FUT8: variants seen among roughly 807,000 people sequenced by gnomAD.
FUT8 encodes the protein fucosyltransferase 8.
FUT8 carries 29 observed loss-of-function variants against 71.3 expected under a neutral mutation model. The ratio of observed to expected loss-of-function variants is 0.41; its 90% CI spans 0.30 to 0.55. FUT8 has a LOEUF of 0.55. Among genes scored for constraint, FUT8 ranks in the 20% least tolerant of loss-of-function variants. The pLI is 0.34. For missense variants in FUT8, 544 were observed against 702.1 expected (o/e 0.77, Z 2.55); for synonymous variants, 254 against 239.3 (o/e 1.06, Z -0.57).
At chr14:65,520,870 C>T (rs773176385) in intron 2 of FUT8, among the ~76,000 whole-genome samples, 9 of 151,978 alleles carry the variant, frequency 5.9e-5, no homozygotes, top group Non-Finnish European at 1.3e-4. Flanking sequence ...GGGATACTTA[C>T]CTATGAGATC....
intron 7 of FUT8, among the ~76,000 whole-genome samples, chr14:65,688,826 A>C (rs575750202): frequency 6.6e-6 from 1 of 152,326 alleles, no homozygotes; most frequent in Admixed American, 6.5e-5. Context: ...CTGTTATAAC[A>C]AAATATAAAC....
intron 2 of FUT8, among the ~76,000 whole-genome samples, chr14:65,514,556 A>C (rs1467363705): frequency 6.6e-6 from 1 of 152,202 alleles, no homozygotes; most frequent in East Asian, 1.9e-4. Flanking sequence ...CAGAAAGTCC[A>C]TCTTATCTAT....
At chr14:65,720,410 C>T (rs1566915227) in intron 7 of FUT8, among the ~76,000 whole-genome samples, 2 of 152,244 alleles carry the variant, frequency 1.3e-5, no homozygotes, top group Non-Finnish European at 1.5e-5. Context: ...CATACAAGAG[C>T]CAAGGTCTGG....
At chr14:65,372,459 G>A in the FUT8 span, among the ~76,000 whole-genome samples, 1 of 149,284 alleles carries the variant, frequency 6.7e-6, no homozygotes, top group Admixed American at 6.7e-5. Flanking sequence ...TCTGTCACCC[G>A]AGCTGGAGTG....
At chr14:65,594,405 G>T (rs1271379680) in intron 3 of FUT8, among the ~76,000 whole-genome samples, 1 of 152,188 alleles carries the variant, frequency 6.6e-6, no homozygotes, top group Non-Finnish European at 1.5e-5. Flanking sequence ...CCAGGTAGGG[G>T]TTTCTACGAC....
intron 3 of FUT8, among the ~76,000 whole-genome samples, chr14:65,565,566 CTT>C (rs1345588097): frequency 1.3e-5 from 2 of 152,030 alleles, no homozygotes; most frequent in East Asian, 3.9e-4. Flanking sequence ...GCATATTTAA[CTT>C]TATAAGAAGC....
chr14:65,657,588 G>T (rs918189817), intron 6 of FUT8, among the ~76,000 whole-genome samples: 5 of 152,068 alleles, frequency 3.3e-5, no homozygotes, highest in African/African-American at 4.8e-5. Context: ...GACACACTTG[G>T]CATGTTCTTA....
At position 65,467,789 on chromosome 14, in the gene FUT8, TA is replaced by T. The variant is rs777612789; in HGVS notation, c.-228+12072del. The T allele has an allele frequency of 3.1e-5, 22 of 709,314 alleles. No individual in the cohort carries two copies. The highest frequency in any genetic ancestry group is 2.3e-4 in the African/African-American group (13 of 56,366). 43.9% of individuals were successfully genotyped at this position (709,314 alleles called of 1,614,324 possible). The stretch of plus-strand genomic sequence containing the variant: ...GTGCCCAGCCAGTCTAGAGGTCTTT[TA>T]TTTTTTTTAACACCTGTTATGCTAT... On this transcript the variant is annotated intron_variant, in intron 2 of 10. Coordinates refer to ENST00000673929, the MANE Select transcript of FUT8 (RefSeq NM_001371533.1). The surrounding 1 kb of genome is among the most constrained non-coding windows in gnomAD (Gnocchi z 4.1).
At chr14:65,362,509 TCAAACAAACAAA>T in the FUT8 span, among the ~76,000 whole-genome samples, 3 of 151,448 alleles carry the variant, frequency 2.0e-5, no homozygotes, top group African/African-American at 4.9e-5. Context: ...GACCCCCATC[TCAAACAAACAAA>T]CAAACAAACA....
At chr14:65,518,347 A>G (rs373169573) in intron 2 of FUT8, among the ~76,000 whole-genome samples, 10 of 152,232 alleles carry the variant, frequency 6.6e-5, no homozygotes, top group Admixed American at 2.6e-4. Flanking sequence ...ATGTTAATCT[A>G]CTTGGCTCCC....
intron 3 of FUT8, among the ~76,000 whole-genome samples, chr14:65,575,622 CCT>C (rs1491461142): frequency 4.5e-4 from 64 of 141,530 alleles, no homozygotes; most frequent in Admixed American, 3.4e-3. Flanking sequence ...TTCCTTCCTT[CCT>C]CTTTTTTTTT....
rs77743631 is a variant in FUT8, at chr14:65,424,119, A to G, written c.-326+10905A>G. Among the ~76,000 whole-genome samples, 769 of 152,368 alleles carry G rather than the reference A, an allele frequency of 5.0e-3. 8 individuals are homozygous for G. The highest frequency in any genetic ancestry group is 0.018 in the African/African-American group (732 of 41,584). On this transcript the variant is annotated intron_variant, in intron 1 of 10. Coordinates refer to ENST00000673929, the MANE Select transcript of FUT8 (RefSeq NM_001371533.1). The stretch of plus-strand genomic sequence containing the variant: ...CATTTGAGGTTTATAGTATCGTACT[A>G]AACATAATGAAACCGCGAGAGATCA...
chr14:65,702,520 G>A (rs1212247338), intron 7 of FUT8, among the ~76,000 whole-genome samples: 7 of 152,068 alleles, frequency 4.6e-5, no homozygotes, highest in Non-Finnish European at 7.4e-5. Context: ...TAAATGCAGC[G>A]GCTATGTTAG....
the FUT8 span, among the ~76,000 whole-genome samples, chr14:65,383,145 C>A: frequency 6.6e-6 from 1 of 152,074 alleles, no homozygotes; most frequent in Admixed American, 6.6e-5. Flanking sequence ...GGCCTCCCTG[C>A]CTTCAGGCTC....
chr14:65,438,460 A>G (rs2139467342), intron 1 of FUT8, among the ~76,000 whole-genome samples: 1 of 152,262 alleles, frequency 6.6e-6, no homozygotes. Flanking sequence ...AGTCTATTTA[A>G]AGGAAGAGCT....
chr14:65,436,979 A>G (rs546034831), intron 1 of FUT8, among the ~76,000 whole-genome samples: 1 of 152,338 alleles, frequency 6.6e-6, no homozygotes, highest in Non-Finnish European at 1.5e-5. Flanking sequence ...AATGGATCAG[A>G]CCTGGGAGAC....
At chr14:65,485,174 T>TA (rs559994421) in intron 2 of FUT8, among the ~76,000 whole-genome samples, 13 of 151,830 alleles carry the variant, frequency 8.6e-5, no homozygotes, top group East Asian at 7.7e-4. Flanking sequence ...TCGTCTCTAT[T>TA]AAAAAAAATA....
intron 2 of FUT8, among the ~76,000 whole-genome samples, chr14:65,536,667 C>A (rs183103363): frequency 2.6e-5 from 4 of 152,296 alleles, no homozygotes; most frequent in Non-Finnish European, 5.9e-5. Context: ...TGTTCTATCT[C>A]TCTAGCTGCC....
chr14:65,377,969 G>A, the FUT8 span, among the ~76,000 whole-genome samples: 2 of 152,198 alleles, frequency 1.3e-5, no homozygotes, highest in African/African-American at 4.8e-5. Flanking sequence ...TGTTTCCAAA[G>A]GAGGGAGAAG....
Sources: gnomAD v4.1 joint callset for allele counts (sites outside exome capture counted in the v4.1 genomes callset) on GRCh38, gnomAD v4.1.1 for gene constraint, Gnocchi (gnomAD v3.1) non-coding constraint, MANE v1.5 for transcripts, NCBI Gene and HGNC (gene_info 2026-07-23, HGNC 2026-07-21) for gene names.